PCDH15: variants seen among roughly 807,000 people sequenced by gnomAD.
The protein encoded by PCDH15 is protocadherin related 15.
A neutral mutation model predicts 178.5 loss-of-function variants in PCDH15; 129 were observed. The ratio of observed to expected loss-of-function variants is 0.72; its 90% confidence interval spans 0.63 to 0.84. The LOEUF (loss-of-function observed/expected upper bound fraction) is 0.84, where lower values mean the gene tolerates loss of function less well. Ranked by LOEUF, PCDH15 falls within the 40% of genes least tolerant of loss-of-function variation. PCDH15 has a pLI of 0.00. For synonymous variants in PCDH15, 800 were observed against 732.0 expected (o/e 1.09, Z -1.50); for missense variants, 2,230 against 2,099.9 (o/e 1.06, Z -1.21).
intron 3 of PCDH15, among the ~76,000 whole-genome samples, chr10:54,497,209 A>C (rs1438141303): frequency 1.3e-5 from 2 of 151,844 alleles, no homozygotes; most frequent in South Asian, 4.1e-4. Context: ...ATAAAGAAAG[A>C]AAGCCAATTG....
chr10:55,363,214 T>TTTAATAG (rs1845271743), intron 2 of PCDH15, among the ~76,000 whole-genome samples: 1 of 152,210 alleles, frequency 6.6e-6, no homozygotes, highest in Non-Finnish European at 1.5e-5. Flanking sequence ...CAGTACATTC[T>TTTAATAG]TACATGTATC....
At chr10:54,801,819 ATATAC>A (rs1464447359), upstream of PCDH15, among the ~76,000 whole-genome samples, 1 of 152,384 alleles carries the variant, frequency 6.6e-6, no homozygotes. Flanking sequence ...TCACGAAGAA[ATATAC>A]TATACAAAAC....
chr10:54,178,151 G>A lies in PCDH15; in HGVS notation c.1590+5293C>T, dbSNP rs554967157. Among the ~76,000 whole-genome samples, 38 of 152,110 alleles carry A rather than the reference G, an allele frequency of 2.5e-4. No homozygotes were observed. In the South Asian group the frequency reaches 4.8e-3, roughly 19 times the overall value. On this transcript the variant is annotated intron_variant, in intron 13 of 37. Coordinates refer to ENST00000644397, the MANE Select transcript of PCDH15 (RefSeq NM_001384140.1). ...GAACCAGGGAAGTTTTTCATAAAAG[G>A]GTATAGTTGAGAGTTTCAAAAAGAT...
At chr10:54,942,294 G>A (rs1564649827) in intron 2 of PCDH15, among the ~76,000 whole-genome samples, 1 of 152,004 alleles carries the variant, frequency 6.6e-6, no homozygotes, top group Non-Finnish European at 1.5e-5. Context: ...GGGAGATGTG[G>A]GTTGTGGTGC....
At chr10:54,725,439 G>T (rs902543363) in intron 1 of PCDH15, among the ~76,000 whole-genome samples, 4 of 144,962 alleles carry the variant, frequency 2.8e-5, no homozygotes, top group Non-Finnish European at 1.5e-5. Flanking sequence ...CAATTTGGGA[G>T]ACCAAGGTGG....
chr10:54,829,560 A>T (rs1352136067), intron 3 of PCDH15, among the ~76,000 whole-genome samples: 1 of 152,080 alleles, frequency 6.6e-6, no homozygotes, highest in African/African-American at 2.4e-5. Context: ...AAAGTCGAAC[A>T]TCTAGTAAAT....
At chr10:54,316,257 G>T (rs528121355) in intron 8 of PCDH15, among the ~76,000 whole-genome samples, 19 of 152,068 alleles carry the variant, frequency 1.2e-4, no homozygotes, top group Non-Finnish European at 2.6e-4. Flanking sequence ...AAAACCAATA[G>T]ATGTATTAAT....
intron 9 of PCDH15, among the ~76,000 whole-genome samples, chr10:54,227,420 C>T (rs1166923775): frequency 2.0e-5 from 3 of 152,178 alleles, no homozygotes. Flanking sequence ...GCTGGAGCAG[C>T]TAGGACACAG....
In PCDH15 at chr10:54,684,742, A is replaced by C. The variant is rs1487986393; in HGVS notation, c.-28-20452T>G. Among the ~76,000 whole-genome samples the C allele has an allele frequency of 2.0e-5, 3 of 152,114 alleles. 1 individual carries two copies. Among genetic ancestry groups the C allele is most frequent in the South Asian group, 4.1e-4 (2 of 4,834 alleles). On this transcript the variant is annotated intron_variant, in intron 1 of 37. Transcript: ENST00000644397. ...GATTTTCAAAGTTTGACCTTTTTACAGAAAATCTAACAGCAACAATCATTT... is the reference window on the plus strand; with the variant it reads ...GATTTTCAAAGTTTGACCTTTTTACCGAAAATCTAACAGCAACAATCATTT...
chr10:54,671,422 C>T (rs2094669046), intron 1 of PCDH15, among the ~76,000 whole-genome samples: 1 of 152,090 alleles, frequency 6.6e-6, no homozygotes, highest in Non-Finnish European at 1.5e-5. Context: ...ATGAAAATGT[C>T]AGTGACTTGT....
intron 28 of PCDH15, among the ~76,000 whole-genome samples, chr10:53,854,958 T>C (rs1167715505): frequency 6.6e-6 from 1 of 152,066 alleles, no homozygotes; most frequent in African/African-American, 2.4e-5. Flanking sequence ...TTCCTATTTA[T>C]ATCATCCTAT....
intron 17 of PCDH15, 125 bp downstream of exon 17, chr10:54,079,206 T>G: frequency 1.0e-6 from 1 of 960,586 alleles, no homozygotes. Context: ...AGAGCAACAC[T>G]TCTAGTAATT....
At chr10:54,569,033 TATTTA>T (rs2089432437) in intron 2 of PCDH15, among the ~76,000 whole-genome samples, 4 of 151,938 alleles carry the variant, frequency 2.6e-5, no homozygotes, top group Admixed American at 2.0e-4. Context: ...AATTTTAAAT[TATTTA>T]TTTTGGAACA....
intron 3 of PCDH15, among the ~76,000 whole-genome samples, chr10:54,881,014 C>T (rs191276809): frequency 1.5e-3 from 231 of 151,924 alleles, no homozygotes; most frequent in Middle Eastern, 6.8e-3. Context: ...AAAATTTCCT[C>T]GGAGATTTCA....
chr10:54,204,601 T>C (rs2050591913), intron 10 of PCDH15, among the ~76,000 whole-genome samples: 1 of 78,326 alleles, frequency 1.3e-5, no homozygotes, highest in East Asian at 2.0e-4. Flanking sequence ...ATAAAAATGT[T>C]ACTAAAAAAA....
At chr10:54,257,593 A>G (rs749298474) in intron 8 of PCDH15, among the ~76,000 whole-genome samples, 1 of 152,106 alleles carries the variant, frequency 6.6e-6, no homozygotes, top group Non-Finnish European at 1.5e-5. Context: ...TAAATCTGCT[A>G]CTGTGAGTAC....
intron 21 of PCDH15, among the ~76,000 whole-genome samples, chr10:53,973,931 G>T (rs2660173): frequency 1.3e-5 from 2 of 151,954 alleles, no homozygotes; most frequent in African/African-American, 4.8e-5. Flanking sequence ...TTACAGGAAG[G>T]TTACTAAATC....
At chr10:55,193,243 C>G (rs1420560672) in intron 1 of PCDH15, among the ~76,000 whole-genome samples, 1 of 151,288 alleles carries the variant, frequency 6.6e-6, no homozygotes, top group Non-Finnish European at 1.5e-5. Context: ...TAGCAAGCAC[C>G]AATTAAAGAA....
chr10:55,319,050 AACACACACACACAC>A (rs67901034), intron 1 of PCDH15, among the ~76,000 whole-genome samples: 1 of 150,088 alleles, frequency 6.7e-6, no homozygotes, highest in Non-Finnish European at 1.5e-5. Context: ...AAACAAACAA[AACACACACACACAC>A]ACACACACAA....
Sources: allele counts gnomAD v4.1 joint callset (sites outside exome capture counted in the v4.1 genomes callset), GRCh38; gene constraint gnomAD v4.1.1; transcripts MANE v1.5; gene names NCBI Gene and HGNC (gene_info 2026-07-23, HGNC 2026-07-21).